Variants in EBNA1BP2 observed in about 807,000 individuals in gnomAD.
EBNA1BP2 encodes probable rRNA-processing protein EBP2.
Under a neutral mutation model 43.5 loss-of-function variants are expected in EBNA1BP2, and 36 were observed. The observed-to-expected ratio is 0.83, with a 90% confidence interval of 0.63 to 1.09. The LOEUF (loss-of-function observed/expected upper bound fraction) is 1.09, where lower values mean the gene tolerates loss of function less well. EBNA1BP2 is among the 50% of genes least tolerant of loss of function. The pLI is 0.00. For missense variants in EBNA1BP2, 332 were observed against 379.1 expected (o/e 0.88, Z 1.03); for synonymous variants, 127 against 141.3 (o/e 0.90, Z 0.72).
chr1:43,170,227 C>A (rs924894357), intron 4 of EBNA1BP2, among the ~76,000 whole-genome samples: 4 of 152,190 alleles, frequency 2.6e-5, no homozygotes, highest in Admixed American at 2.6e-4. Flanking sequence ...TCCACAGATG[C>A]TGAACCCATG....
Position 43,166,863 on chromosome 1 carries a change from T to A in EBNA1BP2, c.670A>T (p.Lys224Ter). Residue 224 changes from lysine (K) to a stop codon, truncating the protein, a stop_gained, in exon 7 of 9, where the codon AAG becomes TAG. Coordinates refer to ENST00000236051, the MANE Select transcript of EBNA1BP2 (RefSeq NM_006824.3). LOFTEE classifies it high-confidence loss of function. The part of the protein sequence containing the change: ...EGDQKPLAQR[K>*]KAGAKGQQMR... ...TGCTGGCCTTTGGCTCCTGCCTTCT[T>A]GCGCTGTGCCAGAGGTTTCTGATCT... 6.2e-7 allele frequency: 1 copy of A among 1,612,878 alleles called. No homozygotes were observed. The highest frequency in any genetic ancestry group is 1.1e-5 in the South Asian group (1 of 90,812).
chr1:43,166,767 G>A, intron 7 of EBNA1BP2, 59 bp downstream of exon 7: 1 of 1,529,438 alleles, frequency 6.5e-7, no homozygotes, highest in Non-Finnish European at 8.9e-7. Flanking sequence ...CCATACTCGT[G>A]ACCTGTGGCC....
At chr1:43,172,553 G>A (rs1051545666), upstream of EBNA1BP2, 254 of 977,028 alleles carry the variant, frequency 2.6e-4, no homozygotes, top group Non-Finnish European at 3.4e-4. Flanking sequence ...GTGGCGCGGA[G>A]GAGGACCCCG....
At chr1:43,165,291 T>C (rs373375420) in intron 7 of EBNA1BP2, among the ~76,000 whole-genome samples, 1 of 152,220 alleles carries the variant, frequency 6.6e-6, no homozygotes, top group Non-Finnish European at 1.5e-5. Flanking sequence ...AATGTAAAAC[T>C]GGTCATCCAA....
chr1:43,170,168 A>G (rs1448857426), intron 4 of EBNA1BP2, among the ~76,000 whole-genome samples: 1 of 152,188 alleles, frequency 6.6e-6, no homozygotes, highest in Non-Finnish European at 1.5e-5. Flanking sequence ...TCCTTTTGCA[A>G]TATTTTCAAA....
At chr1:43,169,724 C>G (rs1362930857) in intron 4 of EBNA1BP2, among the ~76,000 whole-genome samples, 1 of 152,170 alleles carries the variant, frequency 6.6e-6, no homozygotes, top group African/African-American at 2.4e-5. Context: ...CCTCAACTCC[C>G]AGGCCACAGA....
Position 43,168,975 on chromosome 1 carries a change from A to G in EBNA1BP2, c.501T>C (p.Ala167=). The change falls in exon 5 of 9, where the codon GCT becomes GCC. Residue 167 remains alanine, a synonymous_variant. Transcript: ENST00000236051. ...KQAAMERSEK[A]KQLRALRKYG... is the part of the protein sequence containing the mutation. The stretch of plus-strand genomic sequence containing the variant: ...ATTTCCTAAGTGCTCGCAGTTGCTT[A>G]GCTTTTTCAGACCTCTCCATGGCAG... 1 of 1,614,150 alleles carries G rather than the reference A, an allele frequency of 6.2e-7. No homozygotes were observed.
chr1:43,171,357 T>C, intron 3 of EBNA1BP2, 122 bp downstream of exon 3: 1 of 1,249,294 alleles, frequency 8.0e-7, no homozygotes, highest in South Asian at 1.8e-5. Context: ...CTATTCTTAG[T>C]CAAAAGAAGC....
At chr1:43,172,304 G>A (rs1182736222), upstream of EBNA1BP2, 80 of 1,551,680 alleles carry the variant, frequency 5.2e-5, no homozygotes, top group Non-Finnish European at 6.8e-5. Context: ...TTTTGATTGG[G>A]ACTTCCGCTT....
At position 43,166,741 on chromosome 1, in the gene EBNA1BP2, G is replaced by A. The variant is rs1569721977; in HGVS notation, c.707+85C>T. The stretch of plus-strand genomic sequence containing the variant: ...CTCTGGACTCTATGGCTGCGCCGGT[G>A]GAGGTGCTATGTCTGCCATACTCGT... On this transcript the variant is annotated intron_variant, in intron 7 of 8. Coordinates refer to ENST00000236051, the MANE Select transcript of EBNA1BP2 (RefSeq NM_006824.3). 3.7e-6 allele frequency: 5 copies of A among 1,356,282 alleles called. No individual in the cohort carries two copies. The South Asian group carries it at 5.3e-5, about 14-fold the overall frequency. The allele number at this position is 1,356,282 out of a possible 1,614,324, so 84.0% of individuals were successfully genotyped here.
rs796932781 is a variant in EBNA1BP2 at position 43,164,195 on chromosome 1, ATTAT to A, written c.*244_*247del. 1.2e-5 allele frequency: 6 copies of A among 520,112 alleles called. No homozygotes were observed. Among genetic ancestry groups the A allele is most frequent in the African/African-American group, 1.1e-4 (6 of 52,318 alleles). The allele number at this position is 520,112 out of a possible 1,614,324, so 32.2% of individuals were successfully genotyped here. On this transcript the variant is annotated 3_prime_UTR_variant, in exon 9 of 9. Transcript: ENST00000236051. Reference sequence around the variant, plus strand: ...GAAATGAGAAGGTGTCAGTTAAATCATTATTTATCATAAAATGAAGGCAATTTGA... The same window carrying A: ...GAAATGAGAAGGTGTCAGTTAAATCATTATCATAAAATGAAGGCAATTTGA...
chr1:43,169,132 G>A (rs574209715), intron 4 of EBNA1BP2, 104 bp from the exon 5 acceptor site: 228 of 1,227,656 alleles, frequency 1.9e-4, no homozygotes, highest in Non-Finnish European at 2.5e-4. Context: ...TTTAAACTGC[G>A]GAACTTATAA....
upstream of EBNA1BP2, chr1:43,172,435 A>AC: frequency 6.5e-7 from 1 of 1,549,652 alleles, no homozygotes. Flanking sequence ...TGGTCTGCTG[A>AC]CCCAGAGAGA....
chr1:43,164,530 A>C (rs1020250345), intron 8 of EBNA1BP2, 37 bp from the exon 9 acceptor site: 3 of 1,614,002 alleles, frequency 1.9e-6, no homozygotes, highest in Non-Finnish European at 2.5e-6. Context: ...GTCACATAGC[A>C]GCTTGCCTTC....
intron 2 of EBNA1BP2, 87 bp downstream of exon 2, chr1:43,171,799 C>G: frequency 6.3e-7 from 1 of 1,579,576 alleles, no homozygotes; most frequent in Non-Finnish European, 8.6e-7. Flanking sequence ...GTGCATCTTT[C>G]CTGGGACAAG....
intron 7 of EBNA1BP2, 34 bp downstream of exon 7, chr1:43,166,792 A>C (rs1309889184): frequency 1.3e-6 from 2 of 1,591,756 alleles, no homozygotes; most frequent in South Asian, 2.3e-5. Flanking sequence ...CGCACCTCAC[A>C]GAACCAAAGA....
rs756316772 is a variant in EBNA1BP2 at position 43,164,728 on chromosome 1, C to T, written c.785G>A (p.Arg262Gln). The change falls in exon 8 of 9, where the codon CGG becomes CAG. Residue 262 changes from arginine to glutamine, a missense_variant. Arg to Gln is a conservative substitution (Grantham distance 43, BLOSUM62 1). Coordinates refer to ENST00000236051, the MANE Select transcript of EBNA1BP2 (RefSeq NM_006824.3). ...GKKKGSKWNTRESYDDVSSFR... is the reference protein window; with the variant it reads ...GKKKGSKWNTQESYDDVSSFR... The stretch of plus-strand genomic sequence containing the variant: ...GCTAGATACATCATCATAGCTCTCC[C>T]GAGTGTTCCACTTTGAGCCTTTCTT... The T allele has an allele frequency of 3.7e-5, 59 of 1,614,082 alleles. No homozygotes were observed. Among genetic ancestry groups the T allele is most frequent in the Middle Eastern group, 1.6e-4 (1 of 6,084 alleles).
At position 43,168,324 on chromosome 1, in the gene EBNA1BP2, T is replaced by C. The variant is rs1042206678; in HGVS notation, c.537+615A>G. Among the ~76,000 whole-genome samples, 3 of 152,164 alleles carry C rather than the reference T, an allele frequency of 2.0e-5. No individual in the cohort carries two copies. The South Asian group carries it at 6.2e-4, about 32-fold the overall frequency. On this transcript the variant is annotated intron_variant, in intron 5 of 8. Transcript: ENST00000236051. Reference sequence around the variant, plus strand: ...TCCTCACATTCATTTCTTCCCACAATCCTAACTTTAAAATCTGTCATCTTC... The same window carrying C: ...TCCTCACATTCATTTCTTCCCACAACCCTAACTTTAAAATCTGTCATCTTC...
At position 43,168,878 on chromosome 1, in the gene EBNA1BP2, C is replaced by G. The variant is rs767737257; in HGVS notation, c.537+61G>C. The G allele has an allele frequency of 1.4e-4, 222 of 1,549,666 alleles. 1 individual carries two copies. The highest frequency in any genetic ancestry group is 1.9e-4 in the Non-Finnish European group (214 of 1,123,324). ...CAGTTCAGGGGACCAAGTCAGACCACGGCAATCTCATCTAACACACACTCC... is the reference window on the plus strand; with the variant it reads ...CAGTTCAGGGGACCAAGTCAGACCAGGGCAATCTCATCTAACACACACTCC... On this transcript the variant is annotated intron_variant, in intron 5 of 8. Coordinates refer to ENST00000236051, the MANE Select transcript of EBNA1BP2 (RefSeq NM_006824.3).
Sources: allele counts gnomAD v4.1 joint callset (sites outside exome capture counted in the v4.1 genomes callset), GRCh38; gene constraint gnomAD v4.1.1; transcripts MANE v1.5; gene names NCBI Gene and HGNC (gene_info 2026-07-23, HGNC 2026-07-21).